Variants in ADCY8 observed in about 807,000 individuals in gnomAD.
The protein encoded by ADCY8 is adenylate cyclase 8.
A neutral mutation model predicts 119.7 loss-of-function variants in ADCY8; 51 were observed. That is an observed-to-expected ratio of 0.43 (90% CI 0.34 to 0.54). The LOEUF is 0.54. ADCY8 is among the 20% of genes least tolerant of loss of function. The pLI is 0.03. For missense variants in ADCY8, 1,383 were observed against 1,598.8 expected, an observed-to-expected ratio of 0.87 and a Z score of 2.30; for synonymous variants, 665 against 651.0, an observed-to-expected ratio of 1.02 and a Z score of -0.33.
chr8:130,790,763 T>A (rs1319120741), intron 15 of ADCY8, among the ~76,000 whole-genome samples: 2 of 152,142 alleles, frequency 1.3e-5, no homozygotes, highest in Non-Finnish European at 2.9e-5. Context: ...GAATGAGAGA[T>A]CCTTCCTCCG....
chr8:130,856,915 T>A (rs1817755955), intron 9 of ADCY8, among the ~76,000 whole-genome samples: 1 of 152,096 alleles, frequency 6.6e-6, no homozygotes, highest in Non-Finnish European at 1.5e-5. Flanking sequence ...GGAGGACTCC[T>A]AGCCCACATT....
At chr8:130,860,928 G>A (rs1413668101) in intron 9 of ADCY8, among the ~76,000 whole-genome samples, 3 of 152,138 alleles carry the variant, frequency 2.0e-5, no homozygotes, top group Admixed American at 2.0e-4. Context: ...GCTGAGAATT[G>A]GGCATCCAAT....
At chr8:130,908,488 C>G (rs1819861749) in intron 6 of ADCY8, among the ~76,000 whole-genome samples, 1 of 151,592 alleles carries the variant, frequency 6.6e-6, no homozygotes, top group Non-Finnish European at 1.5e-5. Flanking sequence ...AGTAACTGAC[C>G]TGGGGTGTCC....
intron 1 of ADCY8, among the ~76,000 whole-genome samples, chr8:131,029,350 C>T (rs1823925252): frequency 6.6e-6 from 1 of 152,154 alleles, no homozygotes; most frequent in Non-Finnish European, 1.5e-5. Flanking sequence ...GCTCTTGGAT[C>T]CTCCCAAAAT....
chr8:130,981,913 G>C (rs897500119), intron 2 of ADCY8, among the ~76,000 whole-genome samples: 1 of 152,118 alleles, frequency 6.6e-6, no homozygotes, highest in Non-Finnish European at 1.5e-5. Context: ...TCTATATACT[G>C]CTTGATTTTC....
chr8:130,992,382 C>CGCATAT, intron 1 of ADCY8, among the ~76,000 whole-genome samples: 1 of 78,090 alleles, frequency 1.3e-5, no homozygotes, highest in South Asian at 4.4e-4. Flanking sequence ...CTGTATCTGG[C>CGCATAT]ATATATATAT....
intron 2 of ADCY8, among the ~76,000 whole-genome samples, chr8:130,959,928 G>A (rs1334277978): frequency 1.3e-5 from 2 of 152,184 alleles, no homozygotes; most frequent in African/African-American, 4.8e-5. Context: ...AGCAACTAAA[G>A]TGTTTGGCTT....
intron 16 of ADCY8, among the ~76,000 whole-genome samples, chr8:130,785,176 T>G (rs1356848466): frequency 6.6e-6 from 1 of 152,294 alleles, no homozygotes; most frequent in East Asian, 1.9e-4. Context: ...GCCTAGAAGT[T>G]TCTCAAAAAA....
chr8:130,929,602 A>G (rs1226746440), intron 5 of ADCY8, among the ~76,000 whole-genome samples: 1 of 152,196 alleles, frequency 6.6e-6, no homozygotes, highest in Non-Finnish European at 1.5e-5. Context: ...AATAATGTAT[A>G]TTCTGCAGCT....
At chr8:130,862,670 C>T (rs1456238988) in intron 9 of ADCY8, among the ~76,000 whole-genome samples, 1 of 152,238 alleles carries the variant, frequency 6.6e-6, no homozygotes, top group Non-Finnish European at 1.5e-5. Context: ...GCCTCGGCCT[C>T]CCAAAGTGCT....
At chr8:130,942,893 C>G (rs563416602) in intron 4 of ADCY8, among the ~76,000 whole-genome samples, 1 of 152,288 alleles carries the variant, frequency 6.6e-6, no homozygotes, top group Admixed American at 6.5e-5. Context: ...AAACAAAGCT[C>G]TTAAGTTAGG....
intron 1 of ADCY8, among the ~76,000 whole-genome samples, chr8:131,009,933 T>C (rs1342392176): frequency 6.6e-6 from 1 of 152,102 alleles, no homozygotes; most frequent in Non-Finnish European, 1.5e-5. Flanking sequence ...CTGCACATGG[T>C]TGGGGAAGCA....
intron 11 of ADCY8, 64 bp from the exon 12 acceptor site, chr8:130,836,513 G>C: frequency 6.5e-7 from 1 of 1,532,700 alleles, no homozygotes; most frequent in Non-Finnish European, 8.9e-7. Context: ...CCTAGCCATG[G>C]ATGCTAGTAG....
intron 7 of ADCY8, chr8:130,892,156 G>A (rs930200486): frequency 1.3e-5 from 2 of 152,094 alleles, no homozygotes; most frequent in Non-Finnish European, 2.9e-5. Context: ...GGGTCAGAAT[G>A]TCCATTCTGT....
At position 131,040,214 on chromosome 8, in the gene ADCY8, C is replaced by T. The variant is rs925478917; in HGVS notation, c.120G>A (p.Thr40=). ...GCTGCTCCGTGATGTGTCGCACCGC[C>T]GTCTGCCACAGCAGCCGCTGCGGCC... ...ASRPQRLLWQ[T]AVRHITEQRF... Residue 40 remains threonine, a synonymous_variant, in exon 1 of 18, where the codon ACG becomes ACA. Coordinates refer to ENST00000286355, the MANE Select transcript of ADCY8 (RefSeq NM_001115.3). 8.5e-6 allele frequency: 13 copies of T among 1,538,072 alleles called. No homozygotes were observed. In the African/African-American group the frequency reaches 1.4e-4, roughly 16 times the overall value.
At chr8:131,037,799 A>G (rs1028536933) in intron 1 of ADCY8, among the ~76,000 whole-genome samples, 4 of 152,144 alleles carry the variant, frequency 2.6e-5, no homozygotes, top group African/African-American at 9.7e-5. Flanking sequence ...CTTCATGTAA[A>G]CAGGATTGAG....
chr8:130,872,745 A>G (rs904130133), intron 8 of ADCY8, among the ~76,000 whole-genome samples: 2 of 152,342 alleles, frequency 1.3e-5, no homozygotes, highest in East Asian at 3.9e-4. Context: ...GGAAGAAAAC[A>G]AAAGACAGTA....
chr8:130,903,992 T>C lies in ADCY8; in HGVS notation c.1691A>G (p.Asn564Ser). ...CTCTTTACCATGGCCCTCTTCCACG[T>C]TATAGTCACCGTTGAGACAGTCCAG... ...ATLDCLNGDY[N>S]VEEGHGKERN... The change falls in exon 7 of 18, where the codon AAC becomes AGC. Residue 564 changes from asparagine to serine, a missense_variant. Transcript: ENST00000286355. The C allele has an allele frequency of 6.2e-7, 1 of 1,614,164 alleles. No homozygotes were observed. The highest frequency in any genetic ancestry group is 8.5e-7 in the Non-Finnish European group (1 of 1,180,022).
intron 2 of ADCY8, among the ~76,000 whole-genome samples, chr8:130,988,465 T>C (rs1428688325): frequency 6.6e-6 from 1 of 152,188 alleles, no homozygotes; most frequent in Non-Finnish European, 1.5e-5. Context: ...GAAACTGACT[T>C]ATATGTTTGT....
Sources: gnomAD v4.1 joint callset for allele counts (sites outside exome capture counted in the v4.1 genomes callset) on GRCh38, gnomAD v4.1.1 for gene constraint, MANE v1.5 for transcripts, NCBI Gene and HGNC (gene_info 2026-07-23, HGNC 2026-07-21) for gene names.